The following MALT1 variants were observed in gnomAD, a reference collection of about 807,000 sequenced individuals.
MALT1 encodes mucosa-associated lymphoid tissue lymphoma translocation protein 1.
A neutral mutation model predicts 85.5 loss-of-function variants in MALT1; 36 were observed. The observed-to-expected ratio is 0.42, with a 90% CI of 0.32 to 0.56. The LOEUF (loss-of-function observed/expected upper bound fraction) is 0.56. Ranked by LOEUF, MALT1 falls within the 20% of genes least tolerant of loss-of-function variation. MALT1 has a pLI of 0.10. For missense variants in MALT1, 716 were observed against 981.6 expected, an observed-to-expected ratio of 0.73 and a Z score of 3.62; for synonymous variants, 359 against 361.3, an observed-to-expected ratio of 0.99 and a Z score of 0.07.
chr18:58,737,632 G>C lies in MALT1; in HGVS notation c.1603+2303G>C, dbSNP rs951569407. On this transcript the variant is annotated intron_variant, in intron 13 of 16. Transcript: ENST00000649217. ...TACAGAGTCTCTGTCGCGCAGGCTA[G>C]AGTGCAGTGGCATGATCTTGGCTTA... 1.1e-4 allele frequency among the ~76,000 whole-genome samples: 16 copies of C among 152,292 alleles called. No homozygotes were observed. In the South Asian group the frequency reaches 2.7e-3, roughly 26 times the overall value.
chr18:58,706,293 A>G (rs2054751061), intron 4 of MALT1, among the ~76,000 whole-genome samples: 1 of 152,162 alleles, frequency 6.6e-6, no homozygotes, highest in Admixed American at 6.6e-5. Flanking sequence ...AGTAGCTGGG[A>G]TAACAGGCTC....
chr18:58,724,474 T>G (rs765227855), intron 10 of MALT1, among the ~76,000 whole-genome samples: 18 of 152,172 alleles, frequency 1.2e-4, no homozygotes, highest in Non-Finnish European at 2.4e-4. Context: ...TTTTTTCTTA[T>G]GAAAATATGA....
In MALT1 at chr18:58,723,258, T is replaced by C; in HGVS notation, c.1222+7T>C. The stretch of plus-strand genomic sequence containing the variant: ...TTAGACAAGGGAGTATATGGTAAGA[T>C]ATTTATAATGTTTGTTTTTACAATT... On this transcript the variant is annotated splice_region_variant and intron_variant, in intron 10 of 16. Transcript: ENST00000649217. The C allele has an allele frequency of 6.3e-7, 1 of 1,587,526 alleles. No individual in the cohort carries two copies. The highest frequency in any genetic ancestry group is 8.6e-7 in the Non-Finnish European group (1 of 1,156,952).
At chr18:58,676,343 C>T (rs1450768209) in intron 1 of MALT1, among the ~76,000 whole-genome samples, 1 of 151,696 alleles carries the variant, frequency 6.6e-6, no homozygotes, top group Non-Finnish European at 1.5e-5. Flanking sequence ...CCAGCCTGAG[C>T]AACATAGATA....
At chr18:58,711,381 A>G (rs2054828704) in intron 7 of MALT1, among the ~76,000 whole-genome samples, 1 of 152,194 alleles carries the variant, frequency 6.6e-6, no homozygotes, top group Non-Finnish European at 1.5e-5. Context: ...AGTTTTTATA[A>G]AAGTTTCAGG....
At chr18:58,710,822 C>A in intron 6 of MALT1, 99 bp from the exon 7 acceptor site, 1 of 729,386 alleles carries the variant, frequency 1.4e-6, no homozygotes, top group South Asian at 1.8e-5. Context: ...GTTGGTTTGC[C>A]AACATTATCT....
Position 58,733,476 on chromosome 18 carries a change from T to C in MALT1, c.1302T>C (p.Tyr434=), listed in dbSNP as rs202104175. 10 of 1,613,352 alleles carry C rather than the reference T, an allele frequency of 6.2e-6. No homozygotes were observed. In the African/African-American group the frequency reaches 8.0e-5, roughly 13 times the overall value. The part of the protein sequence containing the change: ...FMVPVDAPNP[Y]RSENCLCVQN... ...TCCCCGTTGATGCTCCAAATCCATA[T>C]AGGTCTGAAAATTGTCTGTGTGTAC... The change falls in exon 11 of 17, where the codon TAT becomes TAC. Residue 434 remains tyrosine (Y), a synonymous_variant. Transcript: ENST00000649217.
Position 58,749,717 on chromosome 18 carries a change from C to A in MALT1, c.*1875C>A, listed in dbSNP as rs1455959026. 1 of 220,494 alleles carries A rather than the reference C, an allele frequency of 4.5e-6. No homozygotes were observed. The allele number at this position is 220,494 out of a possible 1,614,324, so 13.7% of individuals were successfully genotyped here. ...TATTTAATAAAGCACAAAACCCACACAGATTGTCTTATTACAGCATTTGAT... is the reference window on the plus strand; with the variant it reads ...TATTTAATAAAGCACAAAACCCACAAAGATTGTCTTATTACAGCATTTGAT... On this transcript the variant is annotated 3_prime_UTR_variant, in exon 17 of 17. Transcript: ENST00000649217.
intron 10 of MALT1, among the ~76,000 whole-genome samples, chr18:58,727,885 A>C (rs1177073565): frequency 6.6e-6 from 1 of 152,080 alleles, no homozygotes; most frequent in African/African-American, 2.4e-5. Flanking sequence ...TCCCATCTGT[A>C]AAAGAGGGAT....
intron 3 of MALT1, among the ~76,000 whole-genome samples, chr18:58,696,976 T>C (rs2054599444): frequency 6.6e-6 from 1 of 152,222 alleles, no homozygotes; most frequent in African/African-American, 2.4e-5. Context: ...TTTATTCCTT[T>C]TGTGAAATGA....
intron 10 of MALT1, among the ~76,000 whole-genome samples, chr18:58,724,241 T>C (rs897049882): frequency 1.3e-5 from 2 of 152,306 alleles, no homozygotes; most frequent in East Asian, 3.9e-4. Flanking sequence ...AGCTTTTTTT[T>C]TCCCCCCAAG....
chr18:58,719,229 C>G (rs1246041143), intron 9 of MALT1, among the ~76,000 whole-genome samples: 1 of 152,156 alleles, frequency 6.6e-6, no homozygotes, highest in Non-Finnish European at 1.5e-5. Context: ...GAGGCTGGGA[C>G]TGCCACATTC....
In MALT1 at chr18:58,733,585, T is replaced by C; in HGVS notation, c.1400+11T>C. ...TATGTGTAGGAAAAGGTAAGTTTTCTAATCTTTATTAAAGAATTGTTGGAG... is the reference window on the plus strand; with the variant it reads ...TATGTGTAGGAAAAGGTAAGTTTTCCAATCTTTATTAAAGAATTGTTGGAG... On this transcript the variant is annotated intron_variant, in intron 11 of 16. Transcript: ENST00000649217. 6.4e-7 allele frequency: 1 copy of C among 1,552,638 alleles called. No individual in the cohort carries two copies.
chr18:58,715,399 T>C (rs1292508463), intron 8 of MALT1, among the ~76,000 whole-genome samples: 2 of 152,108 alleles, frequency 1.3e-5, no homozygotes, highest in East Asian at 3.9e-4. Context: ...TGGCATGTAT[T>C]TGACCAGTAG....
rs977983959 is a variant in MALT1, at chr18:58,731,141, C to T, written c.1223-2256C>T. 7.2e-5 allele frequency among the ~76,000 whole-genome samples: 11 copies of T among 152,224 alleles called. No homozygotes were observed. The East Asian group carries it at 9.7e-4, about 13-fold the overall frequency. ...TGGATTTTTGTATTTTTAGTAGAAA[C>T]GGGGTTTCACCATGTTGGCCAGGCT... On this transcript the variant is annotated intron_variant, in intron 10 of 16. Coordinates refer to ENST00000649217, the MANE Select transcript of MALT1 (RefSeq NM_006785.4).
At chr18:58,722,120 T>TA (rs57727771) in intron 9 of MALT1, among the ~76,000 whole-genome samples, 18,795 of 150,654 alleles carry the variant, frequency 0.12, 1,882 homozygotes, top group African/African-American at 0.28. Flanking sequence ...TTTTTTTTTT[T>TA]ATTTTTTTCT....
chr18:58,687,862 G>C (rs906252335), intron 2 of MALT1, among the ~76,000 whole-genome samples: 1 of 152,088 alleles, frequency 6.6e-6, no homozygotes, highest in African/African-American at 2.4e-5. Flanking sequence ...CGGCATATGT[G>C]TGTGTAGTTG....
chr18:58,681,147 TG>T, intron 1 of MALT1, 22 bp from the exon 2 acceptor site: 1 of 1,609,882 alleles, frequency 6.2e-7, no homozygotes, highest in Non-Finnish European at 8.5e-7. Context: ...GCTGTTGACT[TG>T]AATTCTTTCT....
intron 4 of MALT1, among the ~76,000 whole-genome samples, chr18:58,702,468 A>G (rs1291300048): frequency 6.6e-6 from 1 of 152,214 alleles, no homozygotes; most frequent in Non-Finnish European, 1.5e-5. Flanking sequence ...TGAATACTAA[A>G]TATGATCATT....
Sources: gnomAD v4.1 joint callset for allele counts (sites outside exome capture counted in the v4.1 genomes callset) on GRCh38, gnomAD v4.1.1 for gene constraint, MANE v1.5 for transcripts, NCBI Gene and HGNC (gene_info 2026-07-23, HGNC 2026-07-21) for gene names.